CUX1: variants seen among roughly 807,000 people sequenced by gnomAD.
The protein encoded by CUX1 is protein CASP.
A neutral mutation model predicts 158.8 loss-of-function variants in CUX1; 31 were observed. The observed-to-expected ratio is 0.20, with a 90% CI of 0.15 to 0.26. The LOEUF is 0.26. Among genes scored for constraint, CUX1 ranks in the 10% least tolerant of loss-of-function variants. The pLI, the probability that CUX1 is intolerant of heterozygous loss-of-function variation, is 1.00. For synonymous variants in CUX1, 879 were observed against 862.1 expected (o/e 1.02, Z -0.34); for missense variants, 1,589 against 2,014.6 (o/e 0.79, Z 4.04).
At chr7:102,239,701 T>C (rs1554534224) in intron 23 of CUX1, 117 bp downstream of exon 23, 2 of 1,207,508 alleles carry the variant, frequency 1.7e-6, no homozygotes, top group Non-Finnish European at 2.3e-6. Flanking sequence ...CGCTGGGAGC[T>C]CGGTGATTGG....
At chr7:102,262,172 G>A (rs1790443139), downstream of CUX1, among the ~76,000 whole-genome samples, 1 of 152,170 alleles carries the variant, frequency 6.6e-6, no homozygotes, top group African/African-American at 2.4e-5. Flanking sequence ...TGGGAGCCGA[G>A]GCGGGTGGAT....
intron 5 of CUX1, among the ~76,000 whole-genome samples, chr7:102,099,153 G>A (rs551501982): frequency 1.3e-3 from 200 of 152,272 alleles, no homozygotes; most frequent in Admixed American, 2.6e-3. Context: ...GTGGGCATGG[G>A]GGTACTCAAG....
chr7:102,261,928 G>A (rs1209112259), downstream of CUX1, among the ~76,000 whole-genome samples: 1 of 152,072 alleles, frequency 6.6e-6, no homozygotes, highest in Non-Finnish European at 1.5e-5. Context: ...ACCCACCCTG[G>A]GACACATAGC....
Position 102,155,201 on chromosome 7 carries a change from T to C in CUX1, c.675-3359T>C, listed in dbSNP as rs150864370. 1.7e-3 allele frequency among the ~76,000 whole-genome samples: 263 copies of C among 152,136 alleles called. 2 individuals carry two copies. The highest frequency in any genetic ancestry group is 3.3e-3 in the Non-Finnish European group (223 of 67,978). Reference sequence around the variant, plus strand: ...CAGTTTTGACCTGTGTATGTGGACATTGGAAATACACGATAGGTAACTAAC... The same window carrying C: ...CAGTTTTGACCTGTGTATGTGGACACTGGAAATACACGATAGGTAACTAAC... On this transcript the variant is annotated intron_variant, in intron 8 of 23. Transcript: ENST00000292535.
chr7:102,147,719 C>T (rs748623715), intron 8 of CUX1, among the ~76,000 whole-genome samples: 6 of 152,150 alleles, frequency 3.9e-5, no homozygotes, highest in South Asian at 4.2e-4. Flanking sequence ...ATATTTGGGC[C>T]GGTGCGGTGG....
At chr7:102,007,435 A>C (rs1585252777) in intron 2 of CUX1, among the ~76,000 whole-genome samples, 2 of 144,994 alleles carry the variant, frequency 1.4e-5, no homozygotes, top group South Asian at 2.2e-4. Flanking sequence ...GAACCTCCTC[A>C]CCTCCCACCC....
At position 102,189,395 on chromosome 7, in the gene CUX1, T is replaced by A. The variant is rs200579224; in HGVS notation, c.1018-418T>A. Among the ~76,000 whole-genome samples the A allele has an allele frequency of 6.2e-3, 672 of 108,812 alleles. 5 individuals are homozygous for A. The highest frequency in any genetic ancestry group is 0.052 in the East Asian group (234 of 4,514). 71.4% of individuals were successfully genotyped at this position (108,812 alleles called of 152,430 possible). ...GGGGATGCTTTTTTTTTTTTTTTTT[T>A]AAAAAAAAAAGAGGTAGGGTCTCCA... On this transcript the variant is annotated intron_variant, in intron 11 of 23. Transcript: ENST00000292535.
intron 4 of CUX1, among the ~76,000 whole-genome samples, chr7:102,075,365 A>G (rs1158262535): frequency 6.6e-6 from 1 of 152,188 alleles, no homozygotes; most frequent in East Asian, 1.9e-4. Context: ...TTCCTGACAG[A>G]GAGGTCTTCC....
rs1800228501 is a variant in CUX1 at position 101,886,362 on chromosome 7, T to G, written c.31-29753T>G. 2.0e-5 allele frequency among the ~76,000 whole-genome samples: 3 copies of G among 151,902 alleles called. No individual in the cohort carries two copies. The South Asian group carries it at 6.2e-4, about 32-fold the overall frequency. Reference sequence around the variant, plus strand: ...GTGTGCGCCGCCATGCCCAACTAATTTTTTTTTGTAGTTTTTTTGGTAGAG... The same window carrying G: ...GTGTGCGCCGCCATGCCCAACTAATGTTTTTTTGTAGTTTTTTTGGTAGAG... On this transcript the variant is annotated intron_variant, in intron 1 of 23. Coordinates refer to ENST00000292535, the MANE Select transcript of CUX1 (RefSeq NM_181552.4).
rs549986002 is a variant in CUX1 at position 102,109,647 on chromosome 7, G to T, written c.531-2051G>T. Among the ~76,000 whole-genome samples the T allele has an allele frequency of 2.3e-4, 35 of 152,172 alleles. 1 individual carries two copies. Among genetic ancestry groups the T allele is most frequent in the African/African-American group, 7.5e-4 (31 of 41,532 alleles). Reference sequence around the variant, plus strand: ...AAAAATACAAAAAACAGCCAGACTTGGTGGTGCACACCTGTAATTCCAGCT... The same window carrying T: ...AAAAATACAAAAAACAGCCAGACTTTGTGGTGCACACCTGTAATTCCAGCT... On this transcript the variant is annotated intron_variant, in intron 6 of 23. Coordinates refer to ENST00000292535, the MANE Select transcript of CUX1 (RefSeq NM_181552.4).
chr7:101,906,931 G>C (rs1304634716), intron 1 of CUX1, among the ~76,000 whole-genome samples: 3 of 152,102 alleles, frequency 2.0e-5, no homozygotes, highest in African/African-American at 7.2e-5. Context: ...TTGGAGGTCA[G>C]TCTCACTCTG....
At position 101,984,496 on chromosome 7, in the gene CUX1, C is replaced by CAAAA. The variant is rs569101693; in HGVS notation, c.142-43585_142-43582dup. Among the ~76,000 whole-genome samples the CAAAA allele has an allele frequency of 2.8e-4, 31 of 111,678 alleles. 1 individual carries two copies. The highest frequency in any genetic ancestry group is 1.1e-3 in the African/African-American group (31 of 27,092). The allele number at this position is 111,678 out of a possible 152,430, so 73.3% of individuals were successfully genotyped here. On this transcript the variant is annotated intron_variant, in intron 2 of 23. Coordinates refer to ENST00000292535, the MANE Select transcript of CUX1 (RefSeq NM_181552.4). The stretch of plus-strand genomic sequence containing the variant: ...TTTGAACGCTCAGATTGTTCTCCGG[C>CAAAA]AAAAAAAAAAAAAAAAAAAAGTGCT...
intron 8 of CUX1, among the ~76,000 whole-genome samples, chr7:102,146,324 C>A (rs1835016593): frequency 6.6e-6 from 1 of 152,194 alleles, no homozygotes; most frequent in Admixed American, 6.5e-5. Flanking sequence ...TGTTCCCGAT[C>A]ACGCTGGGGT....
chr7:102,253,328 G>T lies in CUX1; in HGVS notation c.*4286G>T. ...GCATCAGGCGTGCAGCTCATGACCA[G>T]TTTACACAGGCTGCAAAGAGATCGC... On this transcript the variant is annotated 3_prime_UTR_variant, in exon 24 of 24. Coordinates refer to ENST00000292535, the MANE Select transcript of CUX1 (RefSeq NM_181552.4). 8.1e-6 allele frequency: 8 copies of T among 985,484 alleles called. No individual in the cohort carries two copies. Among genetic ancestry groups the T allele is most frequent in the Non-Finnish European group, 9.6e-6 (8 of 829,976 alleles). 61.0% of individuals were successfully genotyped at this position (985,484 alleles called of 1,614,324 possible).
intron 4 of CUX1, among the ~76,000 whole-genome samples, chr7:102,086,709 A>G (rs1375035932): frequency 2.0e-5 from 3 of 151,684 alleles, no homozygotes; most frequent in Non-Finnish European, 4.4e-5. Flanking sequence ...TCCCGGGTTT[A>G]TGCAATTCTC....
rs993389014 is a variant in CUX1 at position 101,998,307 on chromosome 7, G to T, written c.142-29791G>T. On this transcript the variant is annotated intron_variant, in intron 2 of 23. Transcript: ENST00000292535. ...CGTGGGCTGCAGGCACACATTTACTGGGTGTGCACAGTGCGGATTGCAGGA... is the reference window on the plus strand; with the variant it reads ...CGTGGGCTGCAGGCACACATTTACTTGGTGTGCACAGTGCGGATTGCAGGA... Among the ~76,000 whole-genome samples the T allele has an allele frequency of 2.1e-4, 32 of 151,994 alleles. 1 individual carries two copies. The highest frequency in any genetic ancestry group is 6.0e-4 in the African/African-American group (25 of 41,400).
At chr7:102,182,619 G>A (rs954342700) in intron 11 of CUX1, among the ~76,000 whole-genome samples, 4 of 152,198 alleles carry the variant, frequency 2.6e-5, no homozygotes, top group African/African-American at 9.7e-5. Flanking sequence ...AGTGGAAGAT[G>A]TTTCCTCCTG....
chr7:101,921,664 G>A (rs895435298), intron 2 of CUX1, among the ~76,000 whole-genome samples: 4 of 152,068 alleles, frequency 2.6e-5, no homozygotes, highest in East Asian at 3.9e-4. Context: ...GTTCCACCAT[G>A]TTGGCCAGGC....
rs1340024184 is a variant in CUX1 at position 102,027,025 on chromosome 7, A to G, written c.142-1073A>G. ...ATGGGCACTGGTGGCATGGGATAAA[A>G]TTTATTGTGACTCTGTCAGATGTGG... On this transcript the variant is annotated intron_variant, in intron 2 of 23. Transcript: ENST00000292535. Among the ~76,000 whole-genome samples, 5 of 152,160 alleles carry G rather than the reference A, an allele frequency of 3.3e-5. No homozygotes were observed. The East Asian group carries it at 7.8e-4, about 24-fold the overall frequency.
Sources: allele counts gnomAD v4.1 joint callset (sites outside exome capture counted in the v4.1 genomes callset), GRCh38; gene constraint gnomAD v4.1.1; transcripts MANE v1.5; gene names NCBI Gene and HGNC (gene_info 2026-07-23, HGNC 2026-07-21).